Variants in RPRD1A observed in about 807,000 individuals in gnomAD.
RPRD1A encodes regulation of nuclear pre-mRNA domain-containing protein 1A.
RPRD1A carries 9 observed loss-of-function variants against 37.8 expected under a neutral mutation model. The observed-to-expected ratio is 0.24, with a 90% CI of 0.14 to 0.42. The LOEUF is 0.42. Among genes scored for constraint, RPRD1A ranks in the 10% least tolerant of loss-of-function variants. The pLI, the probability that RPRD1A is intolerant of heterozygous loss-of-function variation, is 1.00. For synonymous variants in RPRD1A, 138 were observed against 139.7 expected, an observed-to-expected ratio of 0.99 and a Z score of 0.08; for missense variants, 255 against 371.0, an observed-to-expected ratio of 0.69 and a Z score of 2.57.
intron 1 of RPRD1A, among the ~76,000 whole-genome samples, chr18:36,060,982 G>A (rs1257701894): frequency 1.5e-4 from 23 of 151,870 alleles, no homozygotes; most frequent in Admixed American, 1.5e-3. Flanking sequence ...AAAAAATTTA[G>A]GAAACAAAGT....
chr18:36,016,298 C>T (rs1040060544), intron 6 of RPRD1A, among the ~76,000 whole-genome samples: 1 of 152,178 alleles, frequency 6.6e-6, no homozygotes. Context: ...TCTTGGCTCA[C>T]CGCAACCTCC....
In RPRD1A at chr18:36,067,339, G is replaced by A. The variant is rs752932739; in HGVS notation, c.66C>T (p.Ser22=). The change falls in exon 1 of 7, where the codon AGC becomes AGT. Residue 22 remains serine (S), a synonymous_variant. Transcript: ENST00000399022. The part of the protein sequence containing the change: ...KLSELSNSQQ[S]VQTLSLWLIH... ...TGAGCCACAGGGACAAGGTCTGCAC[G>A]CTCTGCTGCGAGTTGCTCAACTCCG... 9 of 1,608,106 alleles carry A rather than the reference G, an allele frequency of 5.6e-6. No individual in the cohort carries two copies. Among genetic ancestry groups the A allele is most frequent in the South Asian group, 3.3e-5 (3 of 89,850 alleles).
At chr18:36,014,603 T>A (rs1480359933) in intron 6 of RPRD1A, among the ~76,000 whole-genome samples, 1 of 151,822 alleles carries the variant, frequency 6.6e-6, no homozygotes, top group Non-Finnish European at 1.5e-5. Flanking sequence ...ATTAGCCGGG[T>A]GTGGTGGCGG....
intron 2 of RPRD1A, 103 bp from the exon 3 acceptor site, chr18:36,031,200 C>A (rs1250641967): frequency 2.2e-6 from 3 of 1,357,178 alleles, no homozygotes; most frequent in East Asian, 5.2e-5. Context: ...GACATTCATT[C>A]CCTGGAAAAA....
chr18:35,993,317 CT>C lies in RPRD1A; in HGVS notation c.790-18del. 1 of 1,613,390 alleles carries C rather than the reference CT, an allele frequency of 6.2e-7. No homozygotes were observed. The highest frequency in any genetic ancestry group is 8.5e-7 in the Non-Finnish European group (1 of 1,179,734). ...CTTGTACTCCTGTAACATCAAACCACTTTCATTAGCATTCAGGGATTGAAAA... is the reference window on the plus strand; with the variant it reads ...CTTGTACTCCTGTAACATCAAACCACTTCATTAGCATTCAGGGATTGAAAA... On this transcript the variant is annotated intron_variant, in intron 6 of 6. Transcript: ENST00000399022.
chr18:36,038,231 G>A (rs1182324256), intron 1 of RPRD1A, among the ~76,000 whole-genome samples: 1 of 152,202 alleles, frequency 6.6e-6, no homozygotes, highest in African/African-American at 2.4e-5. Context: ...AGGCCCAGAG[G>A]CCGAGGAGGA....
At chr18:36,038,590 C>T (rs1026702059) in intron 1 of RPRD1A, among the ~76,000 whole-genome samples, 3 of 152,340 alleles carry the variant, frequency 2.0e-5, no homozygotes, top group South Asian at 2.1e-4. Flanking sequence ...TTGGAGCTCT[C>T]ACATGGGGTC....
At chr18:36,041,826 G>A (rs903827034) in intron 1 of RPRD1A, among the ~76,000 whole-genome samples, 1 of 152,212 alleles carries the variant, frequency 6.6e-6, no homozygotes, top group Non-Finnish European at 1.5e-5. Context: ...ATCTGTCCCA[G>A]ACAGGACAAA....
intron 2 of RPRD1A, among the ~76,000 whole-genome samples, chr18:36,031,453 T>C (rs968481779): frequency 6.6e-6 from 1 of 152,224 alleles, no homozygotes; most frequent in African/African-American, 2.4e-5. Flanking sequence ...CAAATACTTA[T>C]TGATCCAGTT....
At chr18:36,015,149 CACACACACAT>C (rs747367074) in intron 6 of RPRD1A, among the ~76,000 whole-genome samples, 5,310 of 133,182 alleles carry the variant, frequency 0.04, 154 homozygotes, top group East Asian at 0.14. Flanking sequence ...CACACACACA[CACACACACAT>C]ATATACACAT....
At chr18:36,021,843 A>T (rs1048915767) in intron 6 of RPRD1A, among the ~76,000 whole-genome samples, 1 of 152,270 alleles carries the variant, frequency 6.6e-6, no homozygotes, top group South Asian at 2.1e-4. Context: ...CTACAAAAAA[A>T]TTTTAAAATT....
chr18:36,062,670 A>G (rs1423200638), intron 1 of RPRD1A, among the ~76,000 whole-genome samples: 1 of 152,210 alleles, frequency 6.6e-6, no homozygotes, highest in Non-Finnish European at 1.5e-5. Context: ...TCCATGTTAT[A>G]GCATGGATGG....
chr18:36,036,357 A>T (rs1912195854), intron 1 of RPRD1A, among the ~76,000 whole-genome samples: 1 of 152,186 alleles, frequency 6.6e-6, no homozygotes, highest in Admixed American at 6.5e-5. Context: ...TACTGGTGTG[A>T]GCCACTGTGC....
intron 1 of RPRD1A, among the ~76,000 whole-genome samples, chr18:36,047,079 G>C (rs1598653084): frequency 6.6e-6 from 1 of 152,000 alleles, no homozygotes; most frequent in African/African-American, 2.4e-5. Context: ...AAATTAGACA[G>C]GCATGGTGGC....
chr18:36,038,932 C>T (rs569006555), intron 1 of RPRD1A, among the ~76,000 whole-genome samples: 6 of 152,296 alleles, frequency 3.9e-5, no homozygotes, highest in African/African-American at 7.2e-5. Context: ...ATGATACCCC[C>T]GTTGTATCTT....
intron 1 of RPRD1A, among the ~76,000 whole-genome samples, chr18:36,057,779 G>T (rs372237138): frequency 6.6e-6 from 1 of 152,114 alleles, no homozygotes; most frequent in Non-Finnish European, 1.5e-5. Context: ...CTATATTCTT[G>T]GTACAGCTCC....
At chr18:36,049,090 C>T (rs183401755) in intron 1 of RPRD1A, among the ~76,000 whole-genome samples, 3 of 152,168 alleles carry the variant, frequency 2.0e-5, no homozygotes, top group Non-Finnish European at 4.4e-5. Flanking sequence ...TTAGTAGAGA[C>T]GGGGTTCCAC....
In RPRD1A at chr18:36,027,080, G is replaced by A; in HGVS notation, c.614-5C>T. The stretch of plus-strand genomic sequence containing the variant: ...GCCTTTCTCCAGATTCTTTATCTAA[G>A]AAAAGCACGGGATAATAAAATATTA... On this transcript the variant is annotated splice_region_variant and splice_polypyrimidine_tract_variant and intron_variant, in intron 5 of 6. Transcript: ENST00000399022. 8 of 1,613,446 alleles carry A rather than the reference G, an allele frequency of 5.0e-6. No individual in the cohort carries two copies. Among genetic ancestry groups the A allele is most frequent in the Non-Finnish European group, 5.9e-6 (7 of 1,179,568 alleles).
rs752738651 is a variant in RPRD1A at position 35,993,314 on chromosome 18, C to T, written c.790-14G>A. On this transcript the variant is annotated splice_polypyrimidine_tract_variant and intron_variant, in intron 6 of 6. Coordinates refer to ENST00000399022, the MANE Select transcript of RPRD1A (RefSeq NM_018170.5). ...GCGCTTGTACTCCTGTAACATCAAA[C>T]CACTTTCATTAGCATTCAGGGATTG... 6.2e-7 allele frequency: 1 copy of T among 1,613,568 alleles called. No homozygotes were observed. Among genetic ancestry groups the T allele is most frequent in the Non-Finnish European group, 8.5e-7 (1 of 1,179,816 alleles).
Sources: allele counts gnomAD v4.1 joint callset (sites outside exome capture counted in the v4.1 genomes callset), GRCh38; gene constraint gnomAD v4.1.1; transcripts MANE v1.5; gene names NCBI Gene and HGNC (gene_info 2026-07-23, HGNC 2026-07-21).